CCDC171: variants seen among roughly 807,000 people sequenced by gnomAD.
The protein encoded by CCDC171 is coiled-coil domain-containing protein 171.
In CCDC171, 177 loss-of-function variants were observed where a neutral mutation model predicts 168.2. The ratio of observed to expected loss-of-function variants is 1.05; its 90% CI spans 0.93 to 1.19. CCDC171 has a LOEUF of 1.19. Ranked by LOEUF, CCDC171 falls within the 50% of genes most tolerant of loss-of-function variation. CCDC171 has a pLI of 0.00. For synonymous variants in CCDC171, 687 were observed against 540.8 expected, an observed-to-expected ratio of 1.27 and a Z score of -3.75; for missense variants, 1,991 against 1,539.0, an observed-to-expected ratio of 1.29 and a Z score of -4.91.
At chr9:15,642,886 T>C (rs538961698) in intron 7 of CCDC171, among the ~76,000 whole-genome samples, 1 of 152,252 alleles carries the variant, frequency 6.6e-6, no homozygotes, top group South Asian at 2.1e-4. Flanking sequence ...TTAATATATA[T>C]ACAAGAAGTG....
chr9:15,859,009 T>C (rs191682607), intron 23 of CCDC171, among the ~76,000 whole-genome samples: 55 of 152,214 alleles, frequency 3.6e-4, no homozygotes, highest in Non-Finnish European at 7.5e-4. Context: ...GAGTATGATA[T>C]TAGCTGTGAA....
At chr9:15,567,429 G>C (rs2039838586) in intron 2 of CCDC171, among the ~76,000 whole-genome samples, 1 of 152,090 alleles carries the variant, frequency 6.6e-6, no homozygotes. Flanking sequence ...TGAATTCTTT[G>C]TCTTTCCATA....
intron 21 of CCDC171, among the ~76,000 whole-genome samples, chr9:15,791,862 C>G (rs113073991): frequency 6.6e-6 from 1 of 152,126 alleles, no homozygotes; most frequent in Non-Finnish European, 1.5e-5. Context: ...GATAAAACCA[C>G]AAAGATAGGG....
rs146968509 is a variant in CCDC171 at position 15,928,536 on chromosome 9, A to G, written c.3753+8114A>G. Among the ~76,000 whole-genome samples the G allele has an allele frequency of 5.3e-4, 81 of 151,846 alleles. 1 individual carries two copies. In the East Asian group the frequency reaches 0.015, roughly 28 times the overall value. On this transcript the variant is annotated intron_variant, in intron 25 of 25. Transcript: ENST00000380701. ...TGATATCTCTGACAACTACATTACA[A>G]AATATTTACTCCTTTTGCTTTATTT... is the stretch of plus-strand genomic sequence containing the variant.
rs116092532 is a variant in CCDC171 at position 15,814,653 on chromosome 9, G to A, written c.3267+29959G>A. On this transcript the variant is annotated intron_variant, in intron 21 of 25. Coordinates refer to ENST00000380701, the MANE Select transcript of CCDC171 (RefSeq NM_173550.4). ...TCTTACATTGTTATAACTTACAATT[G>A]CGTATGAAACACACTAGATATTTTT... Among the ~76,000 whole-genome samples, 921 of 151,528 alleles carry A rather than the reference G, an allele frequency of 6.1e-3. 15 individuals carry two copies. The highest frequency in any genetic ancestry group is 0.021 in the African/African-American group (866 of 41,306).
chr9:15,573,730 G>C (rs1022216145), intron 3 of CCDC171, among the ~76,000 whole-genome samples: 3 of 151,972 alleles, frequency 2.0e-5, no homozygotes, highest in African/African-American at 7.2e-5. Context: ...TTTTACTTGA[G>C]AGTATTAGTG....
intron 3 of CCDC171, among the ~76,000 whole-genome samples, chr9:15,990,987 A>C (rs1466021280): frequency 6.6e-6 from 1 of 152,216 alleles, no homozygotes; most frequent in East Asian, 1.9e-4. Context: ...GGAGACTTTA[A>C]CACCCCGCTG....
In CCDC171 at chr9:15,656,482, C is replaced by G. The variant is rs188794417; in HGVS notation, c.823-645C>G. ...GTAATTGCCTAAACTGGAAACAAGTCAAATGTCCATCAGTAGGTGAACAGA... is the reference window on the plus strand; with the variant it reads ...GTAATTGCCTAAACTGGAAACAAGTGAAATGTCCATCAGTAGGTGAACAGA... On this transcript the variant is annotated intron_variant, in intron 7 of 25. Transcript: ENST00000380701. Among the ~76,000 whole-genome samples, 692 of 152,298 alleles carry G rather than the reference C, an allele frequency of 4.5e-3. 5 individuals are homozygous for G. The highest frequency in any genetic ancestry group is 5.3e-3 in the Non-Finnish European group (360 of 68,024).
chr9:16,060,454 C>T (rs1482330392), intron 1 of CCDC171, among the ~76,000 whole-genome samples: 1 of 152,210 alleles, frequency 6.6e-6, no homozygotes. Flanking sequence ...TAAAACAGAC[C>T]CCCCAGGCTG....
intron 18 of CCDC171, among the ~76,000 whole-genome samples, chr9:15,751,035 C>G (rs1038185819): frequency 5.3e-5 from 8 of 152,202 alleles, no homozygotes; most frequent in African/African-American, 1.7e-4. Flanking sequence ...CCCATCGTCT[C>G]AGCCCAAAAT....
intron 7 of CCDC171, among the ~76,000 whole-genome samples, chr9:15,653,088 G>A (rs780168543): frequency 4.6e-5 from 7 of 152,064 alleles, no homozygotes; most frequent in Admixed American, 2.0e-4. Flanking sequence ...CTGTTTAGTC[G>A]TGAAAGTCTT....
chr9:15,777,381 A>G (rs1049316793), intron 18 of CCDC171, among the ~76,000 whole-genome samples: 1 of 152,220 alleles, frequency 6.6e-6, no homozygotes, highest in Non-Finnish European at 1.5e-5. Flanking sequence ...CTGTAAATAC[A>G]TGCAGATTTT....
At chr9:15,574,553 A>G (rs2040484574) in intron 3 of CCDC171, among the ~76,000 whole-genome samples, 1 of 151,868 alleles carries the variant, frequency 6.6e-6, no homozygotes, top group South Asian at 2.1e-4. Context: ...TGCTGGGATT[A>G]CAGGTGTAAG....
intron 4 of CCDC171, among the ~76,000 whole-genome samples, chr9:15,589,164 A>G (rs2041810667): frequency 1.3e-5 from 2 of 152,194 alleles, no homozygotes; most frequent in Non-Finnish European, 1.5e-5. Context: ...CTTGGCTTCC[A>G]GGAGGAGAGA....
In CCDC171 at chr9:15,709,304, G is replaced by A. The variant is rs566867618; in HGVS notation, c.1319-12465G>A. 1.1e-4 allele frequency among the ~76,000 whole-genome samples: 16 copies of A among 152,248 alleles called. No homozygotes were observed. The South Asian group carries it at 2.5e-3, about 24-fold the overall frequency. On this transcript the variant is annotated intron_variant, in intron 11 of 25. Coordinates refer to ENST00000380701, the MANE Select transcript of CCDC171 (RefSeq NM_173550.4). Reference sequence around the variant, plus strand: ...AAATAGGATAGTAGATTAAAATTGTGAGTAGCTATGACAGAATTGACATTA... The same window carrying A: ...AAATAGGATAGTAGATTAAAATTGTAAGTAGCTATGACAGAATTGACATTA...
At chr9:15,555,198 C>A (rs1371933569) in intron 1 of CCDC171, among the ~76,000 whole-genome samples, 1 of 152,130 alleles carries the variant, frequency 6.6e-6, no homozygotes, top group African/African-American at 2.4e-5. Flanking sequence ...AAATGCTTCT[C>A]ATTGATGAAT....
At position 15,971,597 on chromosome 9, in the gene CCDC171, T is replaced by C. The variant is rs765626468; in HGVS notation, c.3754-12T>C. On this transcript the variant is annotated splice_polypyrimidine_tract_variant and intron_variant, in intron 25 of 25. Coordinates refer to ENST00000380701, the MANE Select transcript of CCDC171 (RefSeq NM_173550.4). Reference sequence around the variant, plus strand: ...CTCTATGTTTATTATTTTTTTCTTTTGTATGTCACAGATAGGATCACGAGA... The same window carrying C: ...CTCTATGTTTATTATTTTTTTCTTTCGTATGTCACAGATAGGATCACGAGA... 2 of 1,593,982 alleles carry C rather than the reference T, an allele frequency of 1.3e-6. No homozygotes were observed. Among genetic ancestry groups the C allele is most frequent in the Non-Finnish European group, 1.7e-6 (2 of 1,164,668 alleles).
chr9:15,823,411 TTTCTC>T (rs1395909350), intron 21 of CCDC171, among the ~76,000 whole-genome samples: 1 of 152,142 alleles, frequency 6.6e-6, no homozygotes, highest in Non-Finnish European at 1.5e-5. Flanking sequence ...TCACAGATGT[TTTCTC>T]TTCATATACT....
chr9:15,749,657 G>A (rs2055575745), intron 18 of CCDC171, among the ~76,000 whole-genome samples: 1 of 152,156 alleles, frequency 6.6e-6, no homozygotes, highest in South Asian at 2.1e-4. Context: ...TAGAACTCAG[G>A]ATTAAGAAAC....
Sources: gnomAD v4.1 joint callset for allele counts (sites outside exome capture counted in the v4.1 genomes callset) on GRCh38, gnomAD v4.1.1 for gene constraint, MANE v1.5 for transcripts, NCBI Gene and HGNC (gene_info 2026-07-23, HGNC 2026-07-21) for gene names.